The following RPS6KA2 variants were observed in gnomAD, a reference collection of about 807,000 sequenced individuals.
The protein encoded by RPS6KA2 is ribosomal protein S6 kinase alpha-2.
RPS6KA2 carries 42 observed loss-of-function variants against 91.8 expected under a neutral mutation model. The ratio of observed to expected loss-of-function variants is 0.46; its 90% CI spans 0.36 to 0.59. The LOEUF (loss-of-function observed/expected upper bound fraction) is 0.59, where lower values mean the gene tolerates loss of function less well. Ranked by LOEUF, RPS6KA2 falls within the 20% of genes least tolerant of loss-of-function variation. The pLI, the probability that RPS6KA2 is intolerant of heterozygous loss-of-function variation, is 0.00. For missense variants in RPS6KA2, 798 were observed against 978.5 expected, an observed-to-expected ratio of 0.82 and a Z score of 2.46; for synonymous variants, 414 against 393.6, an observed-to-expected ratio of 1.05 and a Z score of -0.61.
Position 166,801,713 on chromosome 6 carries a change from T to C in RPS6KA2, c.123+56487A>G, listed in dbSNP as rs528180239. 3.9e-5 allele frequency among the ~76,000 whole-genome samples: 6 copies of C among 152,330 alleles called. No individual in the cohort carries two copies. In the South Asian group the frequency reaches 1.2e-3, roughly 32 times the overall value. On this transcript the variant is annotated intron_variant, in intron 2 of 21. Coordinates refer to the RPS6KA2 transcript ENST00000503859. ...TCAAGTTTTAAAAGTTAAAAATATT[T>C]TACCTTTATTTAAAATGTTCTGCAT...
chr6:166,653,800 G>A (rs906686764), intron 2 of RPS6KA2, among the ~76,000 whole-genome samples: 5 of 152,082 alleles, frequency 3.3e-5, no homozygotes, highest in South Asian at 2.1e-4. Context: ...GAGAAATATC[G>A]GAAAACAGAA....
intron 2 of RPS6KA2, among the ~76,000 whole-genome samples, chr6:166,777,668 G>T (rs989144916): frequency 6.6e-6 from 1 of 152,206 alleles, no homozygotes; most frequent in African/African-American, 2.4e-5. Flanking sequence ...AATTAAAACT[G>T]CTACGGTTCA....
intron 2 of RPS6KA2, among the ~76,000 whole-genome samples, chr6:166,685,395 T>C (rs1223901612): frequency 6.6e-6 from 1 of 151,660 alleles, no homozygotes; most frequent in East Asian, 1.9e-4. Flanking sequence ...AGAAGGGCAA[T>C]GGTTAAAATG....
intron 2 of RPS6KA2, among the ~76,000 whole-genome samples, chr6:166,761,253 C>T (rs1202671): frequency 0.17 from 25,492 of 152,050 alleles, 2,980 homozygotes; most frequent in African/African-American, 0.33. Context: ...CCATGTTGCC[C>T]GGGCTGGTCT....
At chr6:166,512,506 G>C (rs1281089631) in intron 3 of RPS6KA2, among the ~76,000 whole-genome samples, 1 of 152,172 alleles carries the variant, frequency 6.6e-6, no homozygotes, top group Non-Finnish European at 1.5e-5. Context: ...TCATTCCTGG[G>C]TCCCTGAGTT....
At chr6:166,674,018 C>T (rs1404932715) in intron 2 of RPS6KA2, among the ~76,000 whole-genome samples, 1 of 152,112 alleles carries the variant, frequency 6.6e-6, no homozygotes, top group Non-Finnish European at 1.5e-5. Flanking sequence ...TGTCAACAGC[C>T]CTGAAGAGAG....
intron 2 of RPS6KA2, among the ~76,000 whole-genome samples, chr6:166,633,599 A>G (rs1415008848): frequency 2.0e-5 from 3 of 152,268 alleles, no homozygotes; most frequent in African/African-American, 7.2e-5. Context: ...CGGTTAATCC[A>G]GACTTAAATC....
intron 1 of RPS6KA2, among the ~76,000 whole-genome samples, chr6:166,585,965 C>T (rs1334028259): frequency 1.2e-4 from 4 of 33,012 alleles, no homozygotes; most frequent in East Asian, 4.7e-4. Context: ...CATCGCATTT[C>T]GCAAGTAAGA....
chr6:166,494,796 C>T lies in RPS6KA2; in HGVS notation c.747+3712G>A, dbSNP rs541119511. ...GGAAGAGATCCCAGCACACATCCACCTCCAGGGGACGGACGGCCACCCACA... is the reference window on the plus strand; with the variant it reads ...GGAAGAGATCCCAGCACACATCCACTTCCAGGGGACGGACGGCCACCCACA... On this transcript the variant is annotated intron_variant, in intron 8 of 20. Transcript: ENST00000265678. This position sits in a 1 kb window ranked among gnomAD's most constrained non-coding sequence, Gnocchi z 5.1. 9.8e-5 allele frequency among the ~76,000 whole-genome samples: 15 copies of T among 152,302 alleles called. No individual in the cohort carries two copies. The South Asian group carries it at 3.1e-3, about 32-fold the overall frequency.
intron 2 of RPS6KA2, among the ~76,000 whole-genome samples, chr6:166,658,435 C>T (rs1322864525): frequency 6.6e-6 from 1 of 152,216 alleles, no homozygotes; most frequent in African/African-American, 2.4e-5. Context: ...GTCAGCTGCT[C>T]TCTCCTTCTC....
intron 2 of RPS6KA2, among the ~76,000 whole-genome samples, chr6:166,536,806 G>T (rs16899093): frequency 0.048 from 7,250 of 152,186 alleles, 580 homozygotes; most frequent in African/African-American, 0.17. Flanking sequence ...GAAACTTTAC[G>T]TTTTAATTCC....
At chr6:166,620,465 G>C (rs1235309956) in intron 1 of RPS6KA2, among the ~76,000 whole-genome samples, 1 of 152,156 alleles carries the variant, frequency 6.6e-6, no homozygotes, top group Non-Finnish European at 1.5e-5. Flanking sequence ...TTTTCCAAGA[G>C]GGGCTATTAC....
At chr6:166,657,771 G>C (rs1317017069) in intron 2 of RPS6KA2, among the ~76,000 whole-genome samples, 1 of 152,244 alleles carries the variant, frequency 6.6e-6, no homozygotes, top group Non-Finnish European at 1.5e-5. Context: ...CTTGAGAGCA[G>C]GGCGAGTTCT....
intron 14 of RPS6KA2, among the ~76,000 whole-genome samples, chr6:166,446,310 T>A (rs1779677674): frequency 6.6e-6 from 1 of 152,162 alleles, no homozygotes; most frequent in Non-Finnish European, 1.5e-5. Flanking sequence ...CTCTAAAAAG[T>A]CCCGGGCCGT....
intron 2 of RPS6KA2, among the ~76,000 whole-genome samples, chr6:166,680,447 C>G (rs1177415093): frequency 6.6e-6 from 1 of 152,156 alleles, no homozygotes; most frequent in Admixed American, 6.5e-5. Flanking sequence ...TGCTCTGGTC[C>G]CCTTCCACGT....
intron 1 of RPS6KA2, among the ~76,000 whole-genome samples, chr6:166,859,005 TGCAGCAGACACGGGAGA>T (rs1780980823): frequency 1.3e-5 from 1 of 79,018 alleles, no homozygotes; most frequent in Admixed American, 1.4e-4. Context: ...CCGGCTGCCA[TGCAGCAGACACGGGAGA>T]GCTCCACGGA....
chr6:166,743,504 CACTT>C (rs1790878228), intron 2 of RPS6KA2, among the ~76,000 whole-genome samples: 1 of 152,198 alleles, frequency 6.6e-6, no homozygotes, highest in South Asian at 2.1e-4. Flanking sequence ...AGGCCACACA[CACTT>C]ACACATCAGC....
chr6:166,414,728 T>A (rs973883977), intron 19 of RPS6KA2, among the ~76,000 whole-genome samples: 2 of 152,232 alleles, frequency 1.3e-5, no homozygotes, highest in African/African-American at 4.8e-5. Context: ...TAGCCTACCC[T>A]CCTTCCTTAG....
At chr6:166,568,715 G>C (rs985881661) in intron 1 of RPS6KA2, among the ~76,000 whole-genome samples, 10 of 145,578 alleles carry the variant, frequency 6.9e-5, no homozygotes, top group African/African-American at 2.5e-4. Flanking sequence ...TAAGACTTCG[G>C]AGACCCCACT....
Sources: allele counts gnomAD v4.1 joint callset (sites outside exome capture counted in the v4.1 genomes callset), GRCh38; gene constraint gnomAD v4.1.1; non-coding constraint Gnocchi (gnomAD v3.1); transcripts MANE v1.5; gene names NCBI Gene and HGNC (gene_info 2026-07-23, HGNC 2026-07-21).